The following EMID1 variants were observed in gnomAD, a reference collection of about 807,000 sequenced individuals.
EMID1 encodes the protein EMI domain containing 1, also known as EMI domain-containing protein 1.
EMID1 carries 40 observed loss-of-function variants against 60.6 expected under a neutral mutation model. The ratio of observed to expected loss-of-function variants is 0.66; its 90% CI spans 0.51 to 0.86. EMID1 has a LOEUF of 0.86. Ranked by LOEUF, EMID1 falls within the 40% of genes least tolerant of loss-of-function variation. The pLI is 0.00. For missense variants in EMID1, 585 were observed against 597.1 expected (o/e 0.98, Z 0.21); for synonymous variants, 242 against 231.0 (o/e 1.05, Z -0.43).
chr22:29,255,221 G>A, intron 14 of EMID1: 3 of 317,506 alleles, frequency 9.4e-6, no homozygotes, highest in South Asian at 4.5e-5. Flanking sequence ...CCCCAGCCCA[G>A]CCCTCGGAGG....
chr22:29,246,994 T>C (rs547568058), intron 13 of EMID1, among the ~76,000 whole-genome samples: 151 of 152,078 alleles, frequency 9.9e-4, no homozygotes, highest in African/African-American at 3.5e-3. Context: ...TTTTTTCCTT[T>C]TTTATTGAGA....
chr22:29,243,168 G>A (rs1159661665), intron 12 of EMID1, among the ~76,000 whole-genome samples: 3 of 152,074 alleles, frequency 2.0e-5, no homozygotes, highest in African/African-American at 4.8e-5. Context: ...GGCTGATGGG[G>A]CTGAGGTGCA....
chr22:29,256,924 T>C (rs2041727393), intron 14 of EMID1, among the ~76,000 whole-genome samples: 1 of 152,094 alleles, frequency 6.6e-6, no homozygotes, highest in South Asian at 2.1e-4. Flanking sequence ...TCTAGAAACT[T>C]CAGTGCCTAG....
chr22:29,218,660 G>A (rs1438793336), intron 3 of EMID1, among the ~76,000 whole-genome samples: 1 of 152,182 alleles, frequency 6.6e-6, no homozygotes, highest in East Asian at 1.9e-4. Flanking sequence ...GGAGGGGTGG[G>A]CGCAATGCCA....
At chr22:29,212,283 G>A (rs899110450) in intron 1 of EMID1, among the ~76,000 whole-genome samples, 33 of 151,670 alleles carry the variant, frequency 2.2e-4, no homozygotes, top group African/African-American at 8.0e-4. Context: ...CACTGCACCC[G>A]ACCCTTTTTT....
intron 14 of EMID1, chr22:29,255,554 G>T: frequency 2.2e-6 from 1 of 446,210 alleles, no homozygotes; most frequent in Non-Finnish European, 4.0e-6. Flanking sequence ...CACCTGCTCT[G>T]TGCCAGGCAC....
At chr22:29,217,082 G>A (rs1478120835) in intron 3 of EMID1, among the ~76,000 whole-genome samples, 1 of 152,204 alleles carries the variant, frequency 6.6e-6, no homozygotes, top group Non-Finnish European at 1.5e-5. Context: ...TGGAGGGGAG[G>A]GCCGAATCCC....
At chr22:29,241,314 C>T (rs1228174682) in intron 12 of EMID1, among the ~76,000 whole-genome samples, 1 of 152,200 alleles carries the variant, frequency 6.6e-6, no homozygotes, top group East Asian at 1.9e-4. Context: ...ACTTCTCCAA[C>T]AGATCTAAGA....
intron 12 of EMID1, among the ~76,000 whole-genome samples, chr22:29,237,177 T>C (rs2040984769): frequency 6.9e-6 from 1 of 145,502 alleles, no homozygotes; most frequent in Non-Finnish European, 1.5e-5. Flanking sequence ...CTTTATTTAT[T>C]TATTTACTTA....
intron 3 of EMID1, chr22:29,216,600 A>G (rs1398806765): frequency 2.0e-6 from 2 of 985,320 alleles, no homozygotes; most frequent in Middle Eastern, 5.2e-4. Flanking sequence ...CTCTGACTCA[A>G]AGGAACATGG....
chr22:29,239,656 C>A (rs2041082736), intron 12 of EMID1, among the ~76,000 whole-genome samples: 1 of 151,986 alleles, frequency 6.6e-6, no homozygotes, highest in Non-Finnish European at 1.5e-5. Flanking sequence ...GGAAGGTAGA[C>A]ATAATGTACT....
intron 1 of EMID1, among the ~76,000 whole-genome samples, chr22:29,212,801 G>A (rs1294309285): frequency 1.3e-5 from 2 of 152,172 alleles, no homozygotes; most frequent in Admixed American, 6.5e-5. Flanking sequence ...CTGACCTCAC[G>A]TGATCCACCC....
intron 3 of EMID1, among the ~76,000 whole-genome samples, chr22:29,216,079 C>T (rs950533270): frequency 2.0e-5 from 3 of 152,232 alleles, no homozygotes; most frequent in East Asian, 3.9e-4. Context: ...ACACCTCTGT[C>T]TGTCTGCCAG....
At chr22:29,247,421 A>G (rs1174817071) in intron 13 of EMID1, among the ~76,000 whole-genome samples, 3 of 152,202 alleles carry the variant, frequency 2.0e-5, no homozygotes, top group Admixed American at 2.0e-4. Flanking sequence ...TTGTGGCATG[A>G]GCATCATACA....
At position 29,234,286 on chromosome 22, in the gene EMID1, TCTC is replaced by T. The variant is rs367714922; in HGVS notation, c.1030-14_1030-12del. 2.8e-4 allele frequency: 454 copies of T among 1,613,742 alleles called. No individual in the cohort carries two copies. The African/African-American group carries it at 5.2e-3, about 18-fold the overall frequency. The stretch of plus-strand genomic sequence containing the variant: ...AGTCCTCAACAGCTGACGCCATTCG[TCTC>T]CTCCCTCTTACACAGGGACTGCGTG... On this transcript the variant is annotated splice_polypyrimidine_tract_variant and intron_variant, in intron 11 of 14. Coordinates refer to ENST00000334018, the MANE Select transcript of EMID1 (RefSeq NM_133455.4).
chr22:29,258,996 G>A lies in EMID1; in HGVS notation c.*52G>A. 6.3e-7 allele frequency: 1 copy of A among 1,577,182 alleles called. No individual in the cohort carries two copies. The highest frequency in any genetic ancestry group is 8.6e-7 in the Non-Finnish European group (1 of 1,163,894). On this transcript the variant is annotated 3_prime_UTR_variant, in exon 15 of 15. Transcript: ENST00000334018. Reference sequence around the variant, plus strand: ...CAGGCCAGGCTTCCCCTCCTACCTGGACTCGGCCAGCTGCCTCCAGGGACC... The same window carrying A: ...CAGGCCAGGCTTCCCCTCCTACCTGAACTCGGCCAGCTGCCTCCAGGGACC...
chr22:29,213,533 A>G (rs1186223119), intron 1 of EMID1, among the ~76,000 whole-genome samples: 1 of 152,152 alleles, frequency 6.6e-6, no homozygotes, highest in Non-Finnish European at 1.5e-5. Context: ...GTCCTGGCCC[A>G]GGAGTTTCTC....
intron 5 of EMID1, among the ~76,000 whole-genome samples, chr22:29,229,516 G>A (rs1424554312): frequency 2.6e-5 from 4 of 152,006 alleles, no homozygotes; most frequent in African/African-American, 9.7e-5. Context: ...GGTGGCGCAT[G>A]CCTGTAATCT....
rs573732430 is a variant in EMID1, at chr22:29,258,893, T to G, written c.1281T>G (p.His427Gln). Reference sequence around the variant, plus strand: ...TCCTTCGGGGCAAGAGGGGCGGACATGCAACCAACTACCGGATCGTGGCCC... The same window carrying G: ...TCCTTCGGGGCAAGAGGGGCGGACAGGCAACCAACTACCGGATCGTGGCCC... The part of the protein sequence containing the change: ...PSLLRGKRGG[H>Q]ATNYRIVAPR... The change falls in exon 15 of 15, where the codon CAT becomes CAG. Residue 427 changes from histidine (H) to glutamine (Q), a missense_variant. Transcript: ENST00000334018. 1 of 1,613,250 alleles carries G rather than the reference T, an allele frequency of 6.2e-7. No homozygotes were observed.
Sources: allele counts gnomAD v4.1 joint callset (sites outside exome capture counted in the v4.1 genomes callset), GRCh38; gene constraint gnomAD v4.1.1; transcripts MANE v1.5; gene names NCBI Gene and HGNC (gene_info 2026-07-23, HGNC 2026-07-21).